The following SPON2 variants were observed in gnomAD, a reference collection of about 807,000 sequenced individuals.
SPON2 encodes the protein spondin-2.
A neutral mutation model predicts 29.9 loss-of-function variants in SPON2; 32 were observed. That is an observed-to-expected ratio of 1.07 (90% CI 0.81 to 1.44). The LOEUF (loss-of-function observed/expected upper bound fraction) is 1.44. SPON2 is among the 40% of genes most tolerant of loss of function. The probability of loss-of-function intolerance (pLI) is 0.00; values close to 1 mark genes in which losing one functional copy is unlikely to be tolerated. For missense variants in SPON2, 541 were observed against 455.5 expected (o/e 1.19, Z -1.71); for synonymous variants, 248 against 209.1 (o/e 1.19, Z -1.61).
intron 5 of SPON2, chr4:1,169,986 G>T (rs567359959): frequency 1.4e-5 from 3 of 212,682 alleles, no homozygotes; most frequent in Admixed American, 6.0e-5. Flanking sequence ...TGTGAGCAGA[G>T]CCCCGAGCTG....
At position 1,171,955 on chromosome 4, in the gene SPON2, G is replaced by A. The variant is rs906484845; in HGVS notation, c.117C>T (p.Ala39=). 1 of 1,612,906 alleles carries A rather than the reference G, an allele frequency of 6.2e-7. No individual in the cohort carries two copies. The highest frequency in any genetic ancestry group is 1.3e-5 in the African/African-American group (1 of 75,044). ...LGGESICSAR[A]LAKYSITFTG... ...TGAAGGTGATGCTGTATTTGGCCAG[G>A]GCTCTGGCGGAACAGATGGACTCTC... The change falls in exon 2 of 6, where the codon GCC becomes GCT. Residue 39 remains alanine, a synonymous_variant. Coordinates refer to ENST00000290902, the MANE Select transcript of SPON2 (RefSeq NM_012445.4).
chr4:1,183,095 G>T (rs1727728091), intron 1 of SPON2, among the ~76,000 whole-genome samples: 3 of 152,054 alleles, frequency 2.0e-5, no homozygotes, highest in Non-Finnish European at 1.5e-5. Context: ...ACAAAAATTA[G>T]CTGGGTGTGG....
chr4:1,169,402 G>T (rs1727348941), intron 5 of SPON2, among the ~76,000 whole-genome samples: 2 of 152,162 alleles, frequency 1.3e-5, no homozygotes, highest in South Asian at 4.1e-4. Flanking sequence ...CTGGCACAGG[G>T]AGGCCCAGTT....
chr4:1,181,969 T>C (rs1285392450), intron 1 of SPON2, among the ~76,000 whole-genome samples: 1 of 152,052 alleles, frequency 6.6e-6, no homozygotes, highest in East Asian at 1.9e-4. Flanking sequence ...AGCAGCTGCA[T>C]GTATGGAGAA....
chr4:1,195,895 T>C (rs531167984), upstream of SPON2, among the ~76,000 whole-genome samples: 2 of 152,330 alleles, frequency 1.3e-5, no homozygotes, highest in South Asian at 4.1e-4. Context: ...CAGCCTCCCA[T>C]GGTGCTGGGA....
At chr4:1,204,565 C>T (rs1459415502) in intron 1 of SPON2, among the ~76,000 whole-genome samples, 6 of 152,208 alleles carry the variant, frequency 3.9e-5, no homozygotes, top group African/African-American at 9.7e-5. Flanking sequence ...GTGCAGCCTC[C>T]GGTGTGTGTT....
chr4:1,184,930 C>G (rs1727764268), intron 1 of SPON2, among the ~76,000 whole-genome samples: 1 of 104,802 alleles, frequency 9.5e-6, no homozygotes, highest in Non-Finnish European at 2.2e-5. Context: ...GTGCAAGACT[C>G]TGTCTCAAAA....
rs1374495447 is a variant in SPON2, at chr4:1,171,711, C to G, written c.220+141G>C. On this transcript the variant is annotated intron_variant, in intron 2 of 5. Coordinates refer to ENST00000290902, the MANE Select transcript of SPON2 (RefSeq NM_012445.4). Reference sequence around the variant, plus strand: ...CATCCCCGGAACCGCACACCGCAGGCGCTCGGCAAACATTCTGGTGTTAGA... The same window carrying G: ...CATCCCCGGAACCGCACACCGCAGGGGCTCGGCAAACATTCTGGTGTTAGA... The G allele has an allele frequency of 1.8e-5, 14 of 792,164 alleles. No homozygotes were observed. The South Asian group carries it at 2.3e-4, about 13-fold the overall frequency. 49.1% of individuals were successfully genotyped at this position (792,164 alleles called of 1,614,324 possible).
chr4:1,201,273 C>T (rs1286368354), intron 1 of SPON2: 1 of 383,500 alleles, frequency 2.6e-6, no homozygotes, highest in Non-Finnish European at 5.4e-6. Context: ...CCCTACCTGC[C>T]CTGAGTGTCC....
At chr4:1,187,472 T>C (rs1727827423) in intron 1 of SPON2, among the ~76,000 whole-genome samples, 1 of 152,236 alleles carries the variant, frequency 6.6e-6, no homozygotes, top group African/African-American at 2.4e-5. Flanking sequence ...TGAATGTTTT[T>C]AATGCCACTC....
At chr4:1,198,794 G>A (rs1445146123), upstream of SPON2, among the ~76,000 whole-genome samples, 1 of 152,164 alleles carries the variant, frequency 6.6e-6, no homozygotes, top group Non-Finnish European at 1.5e-5. Context: ...GACAGGTACT[G>A]AAAAGAAAAC....
rs1484075717 is a variant in SPON2 at position 1,171,056 on chromosome 4, G to A, written c.579C>T (p.Ser193=). ...AGTTGGGGGAGGAGAAGGTGAAGCC[G>A]CTGTCCGTCCCGGCGTCGTAGGGGT... ...DLYPYDAGTD[S]GFTFSSPNFA... The change falls in exon 4 of 6, where the codon AGC becomes AGT. Residue 193 remains serine, a synonymous_variant. Transcript: ENST00000290902. 6.5e-7 allele frequency: 1 copy of A among 1,548,870 alleles called. No homozygotes were observed. The highest frequency in any genetic ancestry group is 8.7e-7 in the Non-Finnish European group (1 of 1,146,136).
At chr4:1,171,236 C>A in intron 3 of SPON2, 27 bp downstream of exon 3, 1 of 1,431,656 alleles carries the variant, frequency 7.0e-7, no homozygotes, top group African/African-American at 1.5e-5. Context: ...CCCCCCGGAC[C>A]CCGCCCCCGG....
At chr4:1,204,690 C>T (rs183863529) in intron 1 of SPON2, among the ~76,000 whole-genome samples, 262 of 152,204 alleles carry the variant, frequency 1.7e-3, no homozygotes, top group African/African-American at 5.9e-3. Flanking sequence ...CAGGGTTCTC[C>T]GGTGTTTTAA....
chr4:1,168,097 A>G (rs1164521528), intron 5 of SPON2: 1 of 169,578 alleles, frequency 5.9e-6, no homozygotes, highest in African/African-American at 2.4e-5. Flanking sequence ...CCCCCACAGG[A>G]CTCAGACCTT....
intron 1 of SPON2, among the ~76,000 whole-genome samples, chr4:1,187,072 A>G (rs906739937): frequency 1.3e-5 from 2 of 152,230 alleles, no homozygotes; most frequent in Non-Finnish European, 2.9e-5. Flanking sequence ...ATATATTTGT[A>G]TACTCAAGTT....
chr4:1,167,383 T>G lies in SPON2; in HGVS notation c.*89A>C, dbSNP rs1346403449. On this transcript the variant is annotated 3_prime_UTR_variant, in exon 6 of 6. Coordinates refer to ENST00000290902, the MANE Select transcript of SPON2 (RefSeq NM_012445.4). ...GTCAGGAGCAGCGCGAAACCCCCTG[T>G]GCCCTCGGCCGCCTGCAGCATGAGC... 7.3e-7 allele frequency: 1 copy of G among 1,373,966 alleles called. No individual in the cohort carries two copies. The highest frequency in any genetic ancestry group is 1.0e-6 in the Non-Finnish European group (1 of 1,003,972). 85.1% of individuals were successfully genotyped at this position (1,373,966 alleles called of 1,614,324 possible).
intron 1 of SPON2, among the ~76,000 whole-genome samples, chr4:1,192,936 C>T (rs1165762161): frequency 1.3e-5 from 2 of 152,224 alleles, no homozygotes; most frequent in African/African-American, 2.4e-5. Context: ...TCCACTGCAG[C>T]AGCTGCTGGG....
chr4:1,200,488 C>A (rs563592712), intron 1 of SPON2, among the ~76,000 whole-genome samples: 3 of 151,646 alleles, frequency 2.0e-5, no homozygotes, highest in African/African-American at 7.3e-5. Flanking sequence ...GGAGGCTCAG[C>A]GGGGGCGGGG....
Sources: allele counts gnomAD v4.1 joint callset (sites outside exome capture counted in the v4.1 genomes callset), GRCh38; gene constraint gnomAD v4.1.1; transcripts MANE v1.5; gene names NCBI Gene and HGNC (gene_info 2026-07-23, HGNC 2026-07-21).